Variants in DLL3 observed in about 807,000 individuals in gnomAD.
The protein encoded by DLL3 is delta like canonical Notch ligand 3.
In DLL3, 49 loss-of-function variants were observed where a neutral mutation model predicts 55.0. That is an observed-to-expected ratio of 0.89 (90% CI 0.71 to 1.13). The LOEUF (loss-of-function observed/expected upper bound fraction) is 1.13. Ranked by LOEUF, DLL3 falls within the 50% of genes most tolerant of loss-of-function variation. The pLI is 0.00. For synonymous variants in DLL3, 421 were observed against 385.2 expected (o/e 1.09, Z -1.09); for missense variants, 962 against 875.5 (o/e 1.10, Z -1.25).
rs2079616887 is a variant in DLL3, at chr19:39,502,808, C to G, written c.410-7C>G. 1.4e-6 allele frequency: 2 copies of G among 1,414,598 alleles called. No homozygotes were observed. The highest frequency in any genetic ancestry group is 9.2e-7 in the Non-Finnish European group (1 of 1,089,378). The allele number at this position is 1,414,598 out of a possible 1,614,324, so 87.6% of individuals were successfully genotyped here. ...CCCCAGCACCCCTCCTTTGCCTGTC[C>G]TCGCAGGGCCCGCCTGGAGCCTGCT... On this transcript the variant is annotated splice_region_variant and splice_polypyrimidine_tract_variant and intron_variant, in intron 3 of 8. Transcript: ENST00000356433.
At chr19:39,501,751 A>C (rs1360262501) in intron 3 of DLL3, among the ~76,000 whole-genome samples, 3 of 152,122 alleles carry the variant, frequency 2.0e-5, no homozygotes, top group African/African-American at 7.2e-5. Context: ...GGTCTCTGTG[A>C]CTATTTTGAT....
Position 39,503,016 on chromosome 19 carries a change from T to TGCGCCCCTGCGCACC in DLL3, c.614_628dup (p.Arg205_Pro209dup). 2 of 1,508,832 alleles carry TGCGCCCCTGCGCACC rather than the reference T, an allele frequency of 1.3e-6. No homozygotes were observed. The highest frequency in any genetic ancestry group is 1.8e-6 in the Non-Finnish European group (2 of 1,135,894). The allele number at this position is 1,508,832 out of a possible 1,614,324, so 93.5% of individuals were successfully genotyped here. On this transcript the variant is annotated inframe_insertion, in exon 4 of 9. Transcript: ENST00000356433. Reference sequence around the variant, plus strand: ...GCCCCCTCGCGGTGCGGTCCGGGACTGCGCCCCTGCGCACCGCTCGAGGAC... The same window carrying TGCGCCCCTGCGCACC: ...GCCCCCTCGCGGTGCGGTCCGGGACTGCGCCCCTGCGCACCGCGCCCCTGCGCACCGCTCGAGGAC...
Position 39,508,246 on chromosome 19 carries a change from T to G in DLL3, c.1759-6T>G, listed in dbSNP as rs946805294. 4 of 1,613,926 alleles carry G rather than the reference T, an allele frequency of 2.5e-6. No homozygotes were observed. Among genetic ancestry groups the G allele is most frequent in the Non-Finnish European group, 3.4e-6 (4 of 1,179,998 alleles). On this transcript the variant is annotated splice_polypyrimidine_tract_variant and splice_region_variant and intron_variant, in intron 8 of 8. Coordinates refer to ENST00000356433, the MANE Select transcript of DLL3 (RefSeq NM_203486.3). ...CTCTAATGCTTCCTACTCATTTTGT[T>G]TCTAGGCCTGACGCGTCTCCTCCAT...
rs1453606081 is a variant in DLL3 at position 39,507,193 on chromosome 19, C to T, written c.1248C>T (p.Ser416=). ...CVEGGGAHRC[S]CALGFGGRDC... The stretch of plus-strand genomic sequence containing the variant: ...AGGGCGGCGGCGCGCACCGCTGCTC[C>T]TGCGCGCTGGGCTTCGGCGGCCGCG... Residue 416 remains serine (S), a synonymous_variant, in exon 7 of 9, where the codon TCC becomes TCT. Coordinates refer to ENST00000356433, the MANE Select transcript of DLL3 (RefSeq NM_203486.3). 7.6e-7 allele frequency: 1 copy of T among 1,322,982 alleles called. No individual in the cohort carries two copies. The highest frequency in any genetic ancestry group is 9.6e-7 in the Non-Finnish European group (1 of 1,046,716). The allele number at this position is 1,322,982 out of a possible 1,614,324, so 82.0% of individuals were successfully genotyped here. A position where few individuals can be genotyped will look rare whatever the true frequency, so the allele number is the denominator to read the frequency against.
rs1232183589 is a variant in DLL3, at chr19:39,499,041, C to A, written c.67C>A (p.Gln23Lys). 1 of 1,614,042 alleles carries A rather than the reference C, an allele frequency of 6.2e-7. No individual in the cohort carries two copies. Among genetic ancestry groups the A allele is most frequent in the Non-Finnish European group, 8.5e-7 (1 of 1,180,030 alleles). ...GATCCTAGCGCTCATTTTCCTCCCC[C>A]AGGTCAGAGCCAGGTGGGAGGTGGC... ...TVILALIFLPQTRPAGVFELQ... is the reference protein window; with the variant it reads ...TVILALIFLPKTRPAGVFELQ... The change falls in exon 1 of 9, where the codon CAG becomes AAG. Residue 23 changes from glutamine (Q) to lysine (K), a missense_variant and splice_region_variant. Transcript: ENST00000356433.
At position 39,504,052 on chromosome 19, in the gene DLL3, G is replaced by A. The variant is rs1309694808; in HGVS notation, c.653-19G>A. ...CGACGTTGGTGTTCCCTTTCTCTCT[G>A]CCTCTCTGTCCCCCATAGTGGTGTG... On this transcript the variant is annotated intron_variant, in intron 4 of 8. Transcript: ENST00000356433. 1.9e-6 allele frequency: 3 copies of A among 1,612,302 alleles called. No homozygotes were observed. The African/African-American group carries it at 4.0e-5, about 22-fold the overall frequency.
At position 39,507,630 on chromosome 19, in the gene DLL3, C is replaced by T. The variant is rs778103139; in HGVS notation, c.1673+12C>T. ...GGGGATGGTCCGAGGTGAGGGGCTG[C>T]GCCACAGACGAACGCCTTGCGCTGC... On this transcript the variant is annotated intron_variant, in intron 7 of 8. Transcript: ENST00000356433. 16 of 1,601,148 alleles carry T rather than the reference C, an allele frequency of 1.0e-5. No individual in the cohort carries two copies. Among genetic ancestry groups the T allele is most frequent in the Admixed American group, 1.7e-5 (1 of 58,038 alleles).
Position 39,507,118 on chromosome 19 carries a change from C to T in DLL3, c.1173C>T (p.Asp391=). Residue 391 remains aspartate (D), a synonymous_variant, in exon 7 of 9, where the codon GAC becomes GAT. Transcript: ENST00000356433. ...TCGCGGGTCCTCGCTGCGAGCACGA[C>T]CTGGACGACTGCGCGGGCCGCGCCT... ...AGFAGPRCEH[D]LDDCAGRACA... is the part of the protein sequence containing the mutation. 2 of 1,535,794 alleles carry T rather than the reference C, an allele frequency of 1.3e-6. No individual in the cohort carries two copies. The highest frequency in any genetic ancestry group is 8.7e-7 in the Non-Finnish European group (1 of 1,148,714).
intron 6 of DLL3, 130 bp downstream of exon 6, chr19:39,505,581 G>T: frequency 1.1e-6 from 1 of 939,748 alleles, no homozygotes; most frequent in Non-Finnish European, 1.6e-6. Flanking sequence ...CCACCTGCAA[G>T]CCTGTAAAAT....
In DLL3 at chr19:39,499,374, T is replaced by A. The variant is rs749605519; in HGVS notation, c.252T>A (p.Ser84Arg). Reference protein sequence around the residue: ...ESPCALGAALSARGPVYTEQP... With the variant: ...ESPCALGAALRARGPVYTEQP... ...CGTGCGCCCTGGGCGCGGCGCTGAGTGCGCGCGGACCGGTCTACACCGAGC... is the reference window on the plus strand; with the variant it reads ...CGTGCGCCCTGGGCGCGGCGCTGAGAGCGCGCGGACCGGTCTACACCGAGC... Residue 84 changes from serine to arginine, a missense_variant, in exon 2 of 9, where the codon AGT becomes AGA. Transcript: ENST00000356433. 6.4e-7 allele frequency: 1 copy of A among 1,564,908 alleles called. No individual in the cohort carries two copies. The highest frequency in any genetic ancestry group is 1.2e-5 in the South Asian group (1 of 86,348).
At position 39,503,055 on chromosome 19, in the gene DLL3, C is replaced by G. The variant is rs1427588621; in HGVS notation, c.650C>G (p.Pro217Arg). 2 of 1,522,714 alleles carry G rather than the reference C, an allele frequency of 1.3e-6. No homozygotes were observed. Among genetic ancestry groups the G allele is most frequent in the Non-Finnish European group, 1.8e-6 (2 of 1,141,950 alleles). The allele number at this position is 1,522,714 out of a possible 1,614,324, so 94.3% of individuals were successfully genotyped here. The change falls in exon 4 of 9, where the codon CCG (proline) becomes CGG (arginine). Residue 217 changes from proline (P) to arginine (R), a missense_variant and splice_region_variant. By Grantham distance (103) the Pro-to-Arg change is moderately radical. Coordinates refer to ENST00000356433, the MANE Select transcript of DLL3 (RefSeq NM_203486.3). ...CAPLEDECEAPLVCRAGCSPE... is the reference protein window; with the variant it reads ...CAPLEDECEARLVCRAGCSPE... ...CCGCTCGAGGACGAATGTGAGGCGC[C>G]GCGTGAGTCCTGCGTTCGACCCCAC...
intron 8 of DLL3, 50 bp from the exon 9 acceptor site, chr19:39,508,202 G>A: frequency 1.2e-6 from 2 of 1,614,100 alleles, no homozygotes; most frequent in East Asian, 2.2e-5. Context: ...GGGAGGCAGG[G>A]GAGGCAGAGG....
intron 6 of DLL3, 87 bp from the exon 7 acceptor site, chr19:39,506,952 G>A (rs1182700742): frequency 1.7e-5 from 23 of 1,391,416 alleles, no homozygotes; most frequent in Non-Finnish European, 2.1e-5. Context: ...AGGGGACCCC[G>A]TGCAGCGATG....
At chr19:39,503,953 C>T in intron 4 of DLL3, 118 bp from the exon 5 acceptor site, 1 of 981,732 alleles carries the variant, frequency 1.0e-6, no homozygotes. Context: ...TTATCTGTCA[C>T]AAAGATGAAG....
rs1399804270 is a variant in DLL3 at position 39,507,605 on chromosome 19, G to A, written c.1660G>A (p.Gly554Arg). 3 of 1,607,576 alleles carry A rather than the reference G, an allele frequency of 1.9e-6. No individual in the cohort carries two copies. The highest frequency in any genetic ancestry group is 2.7e-5 in the African/African-American group (2 of 74,782). The stretch of plus-strand genomic sequence containing the variant: ...CAACCTAAGGACGCAGGAGGGTTCC[G>A]GGGATGGTCCGAGGTGAGGGGCTGC... ...LNNLRTQEGSGDGPSSSVDWN... is the reference protein window; with the variant it reads ...LNNLRTQEGSRDGPSSSVDWN... The change falls in exon 7 of 9, where the codon GGG becomes AGG. Residue 554 changes from glycine to arginine, a missense_variant. By Grantham distance (125) the Gly-to-Arg change is moderately radical. Transcript: ENST00000356433.
chr19:39,500,430 C>CG lies in DLL3; in HGVS notation c.352-185_352-184insG, dbSNP rs1235675771. Among the ~76,000 whole-genome samples, 4 of 144,876 alleles carry CG rather than the reference C, an allele frequency of 2.8e-5. No homozygotes were observed. The South Asian group carries it at 9.2e-4, about 33-fold the overall frequency. The stretch of plus-strand genomic sequence containing the variant: ...GACAAAGTGAGATTCTCCCCCCCCC[C>CG]CCAAAAAAAAGCCACAGATGTCATT... On this transcript the variant is annotated intron_variant, in intron 2 of 8. Coordinates refer to ENST00000356433, the MANE Select transcript of DLL3 (RefSeq NM_203486.3).
chr19:39,507,012 C>T (rs1383181528), intron 6 of DLL3, 27 bp from the exon 7 acceptor site: 1 of 1,530,904 alleles, frequency 6.5e-7, no homozygotes, highest in South Asian at 1.2e-5. Context: ...TCCCGGACTG[C>T]GCCCTCTGAT....
intron 2 of DLL3, among the ~76,000 whole-genome samples, chr19:39,500,074 G>A (rs1164992833): frequency 6.6e-6 from 1 of 151,954 alleles, no homozygotes; most frequent in Non-Finnish European, 1.5e-5. Context: ...TACCTCACAA[G>A]GGTCCCTTTT....
chr19:39,499,124 G>C, intron 1 of DLL3, 68 bp from the exon 2 acceptor site: 1 of 1,611,656 alleles, frequency 6.2e-7, no homozygotes, highest in Non-Finnish European at 8.5e-7. Flanking sequence ...TCCTGGGGAA[G>C]GAGCGTGGGG....
Sources: gnomAD v4.1 joint callset for allele counts (sites outside exome capture counted in the v4.1 genomes callset) on GRCh38, gnomAD v4.1.1 for gene constraint, MANE v1.5 for transcripts, NCBI Gene and HGNC (gene_info 2026-07-23, HGNC 2026-07-21) for gene names.